The following TMEM255B variants were observed in gnomAD, a reference collection of about 807,000 sequenced individuals.
TMEM255B encodes the protein family with sequence similarity 70, member B.
In TMEM255B, 35 loss-of-function variants were observed where a neutral mutation model predicts 34.5. That is an observed-to-expected ratio of 1.01 (90% CI 0.77 to 1.34). The LOEUF (loss-of-function observed/expected upper bound fraction) is 1.34, where lower values mean the gene tolerates loss of function less well. Among genes scored for constraint, TMEM255B ranks in the 40% most tolerant of loss-of-function variants. TMEM255B has a pLI of 0.00. For missense variants in TMEM255B, 432 were observed against 433.2 expected (o/e 1.00, Z 0.02); for synonymous variants, 206 against 201.2 (o/e 1.02, Z -0.20).
chr13:113,780,271 C>T (rs1198610595), intron 3 of TMEM255B, among the ~76,000 whole-genome samples: 1 of 152,246 alleles, frequency 6.6e-6, no homozygotes, highest in African/African-American at 2.4e-5. Context: ...AAGGAAAGCA[C>T]ATCATTCCAA....
intron 4 of TMEM255B, among the ~76,000 whole-genome samples, chr13:113,798,628 T>C (rs372838696): frequency 0.011 from 1,650 of 150,030 alleles, 21 homozygotes; most frequent in African/African-American, 0.039. Flanking sequence ...GGATGACAGA[T>C]GGGTGGATGG....
At position 113,766,233 on chromosome 13, in the gene TMEM255B, T is replaced by C. The variant is rs532104190; in HGVS notation, c.165T>C (p.Val55=). Residue 55 remains valine, a synonymous_variant, in exon 2 of 9, where the codon GTT becomes GTC. Coordinates refer to ENST00000375353, the MANE Select transcript of TMEM255B (RefSeq NM_182614.4). ...AATTRTENVT[V]GGYYPGIILG... is the part of the protein sequence containing the mutation. ...CCACCAGGACGGAGAATGTGACCGT[T>C]GGGGGCTACTACCCAGGGATCATTG... is the stretch of plus-strand genomic sequence containing the variant. 4.8e-5 allele frequency: 78 copies of C among 1,614,148 alleles called. 1 individual carries two copies. In the South Asian group the frequency reaches 7.4e-4, roughly 15 times the overall value.
chr13:113,769,215 C>A lies in TMEM255B; in HGVS notation c.252+55C>A. On this transcript the variant is annotated intron_variant, in intron 3 of 8. Coordinates refer to ENST00000375353, the MANE Select transcript of TMEM255B (RefSeq NM_182614.4). The surrounding 1 kb of genome is among the most constrained non-coding windows in gnomAD (Gnocchi z 4.2). ...ATGAGTCCCTCATCAGGGGATGGTA[C>A]AGCTGCACTGGGGCTCTGAGAAGAG... 1 of 1,586,800 alleles carries A rather than the reference C, an allele frequency of 6.3e-7. No homozygotes were observed. The highest frequency in any genetic ancestry group is 1.1e-5 in the South Asian group (1 of 90,444).
At chr13:113,774,183 T>C (rs187248904) in intron 3 of TMEM255B, among the ~76,000 whole-genome samples, 2 of 151,980 alleles carry the variant, frequency 1.3e-5, no homozygotes, top group Admixed American at 6.6e-5. Context: ...CATCATTTCA[T>C]TTATAAAGAT....
Position 113,769,015 on chromosome 13 carries a change from C to A in TMEM255B, c.190-83C>A. On this transcript the variant is annotated intron_variant, in intron 2 of 8. Transcript: ENST00000375353. This position sits in a 1 kb window ranked among gnomAD's most constrained non-coding sequence, Gnocchi z 4.2. ...TCCCTGGATAAAATGCCTTTGAGGGCGGGATTATTTGCTTTAAATGTCAGT... is the reference window on the plus strand; with the variant it reads ...TCCCTGGATAAAATGCCTTTGAGGGAGGGATTATTTGCTTTAAATGTCAGT... 1 of 1,495,344 alleles carries A rather than the reference C, an allele frequency of 6.7e-7. No individual in the cohort carries two copies. The highest frequency in any genetic ancestry group is 9.3e-7 in the Non-Finnish European group (1 of 1,074,904). The allele number at this position is 1,495,344 out of a possible 1,614,324, so 92.6% of individuals were successfully genotyped here.
At chr13:113,797,315 C>T (rs527447628) in intron 4 of TMEM255B, among the ~76,000 whole-genome samples, 47 of 152,372 alleles carry the variant, frequency 3.1e-4, no homozygotes, top group South Asian at 2.5e-3. Flanking sequence ...AAATGTGGCA[C>T]TGCCTCGTGT....
chr13:113,759,388 TC>T, intron 1 of TMEM255B, 73 bp downstream of exon 1: 1 of 1,206,078 alleles, frequency 8.3e-7, no homozygotes, highest in Non-Finnish European at 1.0e-6. Context: ...GGACTACAGG[TC>T]CCCGGCCGGC....
Position 113,769,143 on chromosome 13 carries a change from G to C in TMEM255B, c.235G>C (p.Glu79Gln). 9 of 1,614,198 alleles carry C rather than the reference G, an allele frequency of 5.6e-6. No homozygotes were observed. Among genetic ancestry groups the C allele is most frequent in the Non-Finnish European group, 7.6e-6 (9 of 1,180,032 alleles). Residue 79 changes from glutamate to glutamine, a missense_variant, in exon 3 of 9, where the codon GAG becomes CAG. By Grantham distance (29) the Glu-to-Gln change is conservative (BLOSUM62 2). Transcript: ENST00000375353. This position sits in a 1 kb window ranked among gnomAD's most constrained non-coding sequence, Gnocchi z 4.2. ...AGGAATTATTGGCATCAACTTGGTG[G>C]AGAATAGAAGGCAAATGGTAAGAAA... ...FLGIIGINLV[E>Q]NRRQMLVAAI... is the part of the protein sequence containing the mutation.
At chr13:113,787,474 GA>G (rs2050763664) in intron 3 of TMEM255B, among the ~76,000 whole-genome samples, 1 of 152,186 alleles carries the variant, frequency 6.6e-6, no homozygotes, top group African/African-American at 2.4e-5. Context: ...GATGATAGGT[GA>G]AATGAGCAGG....
intron 1 of TMEM255B, chr13:113,761,402 G>A (rs978225025): frequency 2.0e-6 from 2 of 983,118 alleles, no homozygotes; most frequent in African/African-American, 3.5e-5. Context: ...AGCTAAGGCT[G>A]GGGAAGGAGC....
chr13:113,771,335 A>G (rs1023787013), intron 3 of TMEM255B, among the ~76,000 whole-genome samples: 3 of 152,160 alleles, frequency 2.0e-5, no homozygotes, highest in African/African-American at 4.8e-5. Context: ...GGCACTGCGC[A>G]TGGTGTCTTT....
At chr13:113,810,785 C>T (rs2051283373) in intron 8 of TMEM255B, among the ~76,000 whole-genome samples, 1 of 152,230 alleles carries the variant, frequency 6.6e-6, no homozygotes, top group Admixed American at 6.5e-5. Flanking sequence ...GAAGATGCCT[C>T]CACGGCAACA....
rs1566342224 is a variant in TMEM255B at position 113,812,973 on chromosome 13, G to GTCACAGGCCCCGTGTGA, written c.*1070_*1071insTCACAGGCCCCGTGTGA. 9.8e-5 allele frequency: 12 copies of GTCACAGGCCCCGTGTGA among 121,952 alleles called. No individual in the cohort carries two copies. The highest frequency in any genetic ancestry group is 3.0e-4 in the African/African-American group (10 of 33,834). The allele number at this position is 121,952 out of a possible 1,614,324, so 7.6% of individuals were successfully genotyped here. ...CCGGGTGGGTCACGGGCCCCGGGTG[G>GTCACAGGCCCCGTGTGA]GTCACGGGTCCCGGGTGGGTCACGG... On this transcript the variant is annotated 3_prime_UTR_variant, in exon 9 of 9. Transcript: ENST00000375353.
intron 2 of TMEM255B, 48 bp downstream of exon 2, chr13:113,766,305 T>G (rs1339694398): frequency 1.9e-6 from 3 of 1,611,240 alleles, no homozygotes; most frequent in East Asian, 2.2e-5. Flanking sequence ...CAGGGTGGTG[T>G]GTGGCTCTCT....
intron 4 of TMEM255B, among the ~76,000 whole-genome samples, chr13:113,798,679 A>G (rs2050987006): frequency 6.7e-6 from 1 of 148,254 alleles, no homozygotes; most frequent in Non-Finnish European, 1.5e-5. Flanking sequence ...TGGATGGATG[A>G]TGGGTGGATG....
intron 2 of TMEM255B, among the ~76,000 whole-genome samples, chr13:113,768,706 C>A (rs1416552740): frequency 6.6e-6 from 1 of 152,198 alleles, no homozygotes; most frequent in Non-Finnish European, 1.5e-5. Context: ...GCTGTAGTTC[C>A]CTAATACCTT....
At position 113,764,969 on chromosome 13, in the gene TMEM255B, G is replaced by A. The variant is rs186881504; in HGVS notation, c.47-1146G>A. On this transcript the variant is annotated intron_variant, in intron 1 of 8. Coordinates refer to ENST00000375353, the MANE Select transcript of TMEM255B (RefSeq NM_182614.4). ...TAAGGACAGTGCCACTGGCCGCCTC[G>A]GTGCAGTGGGTCCAAGACGGGGGCA... Among the ~76,000 whole-genome samples, 745 of 152,306 alleles carry A rather than the reference G, an allele frequency of 4.9e-3. 1 individual carries two copies. Among genetic ancestry groups the A allele is most frequent in the African/African-American group, 0.017 (704 of 41,574 alleles).
intron 4 of TMEM255B, among the ~76,000 whole-genome samples, chr13:113,796,158 G>C (rs1476986360): frequency 1.8e-5 from 2 of 109,238 alleles, no homozygotes; most frequent in Non-Finnish European, 1.8e-5. Context: ...ACACACAACA[G>C]AGCACATAGC....
chr13:113,815,265 G>A lies in TMEM255B; in HGVS notation c.*3362G>A, dbSNP rs1465140323. On this transcript the variant is annotated 3_prime_UTR_variant, in exon 9 of 9. Coordinates refer to ENST00000375353, the MANE Select transcript of TMEM255B (RefSeq NM_182614.4). ...GAGGAAGGGACATGGGTGACGGTCCGTCCACGTGGGGTCACCGGCCACGGA... is the reference window on the plus strand; with the variant it reads ...GAGGAAGGGACATGGGTGACGGTCCATCCACGTGGGGTCACCGGCCACGGA... The A allele has an allele frequency of 3.3e-5, 5 of 150,946 alleles. No individual in the cohort carries two copies. Among genetic ancestry groups the A allele is most frequent in the Admixed American group, 6.6e-5 (1 of 15,144 alleles). The allele number at this position is 150,946 out of a possible 1,614,324, so 9.4% of individuals were successfully genotyped here. A position where few individuals can be genotyped will look rare whatever the true frequency, so the allele number is the denominator to read the frequency against.
Sources: allele counts gnomAD v4.1 joint callset (sites outside exome capture counted in the v4.1 genomes callset), GRCh38; gene constraint gnomAD v4.1.1; non-coding constraint Gnocchi (gnomAD v3.1); transcripts MANE v1.5; gene names NCBI Gene and HGNC (gene_info 2026-07-23, HGNC 2026-07-21).